The following MESD variants were observed in gnomAD, a reference collection of about 807,000 sequenced individuals.
MESD encodes the protein LRP chaperone MESD.
Under a neutral mutation model 12.9 loss-of-function variants are expected in MESD, and 7 were observed. The observed-to-expected ratio is 0.54, with a 90% CI of 0.31 to 1.02. The LOEUF (loss-of-function observed/expected upper bound fraction) is 1.02, where lower values mean the gene tolerates loss of function less well. MESD is among the 50% of genes least tolerant of loss of function. The pLI is 0.05. For missense variants in MESD, 342 were observed against 296.7 expected, an observed-to-expected ratio of 1.15 and a Z score of -1.12; for synonymous variants, 126 against 115.6, an observed-to-expected ratio of 1.09 and a Z score of -0.58.
At position 80,979,190 on chromosome 15, in the gene MESD, T is replaced by TC. The variant is rs752692483; in HGVS notation, c.*28dup. ...GCAAAGAGCTCTCCACGTCCACCTG[T>TC]CCCCCCACAGCGCGTCACTGCTGCC... On this transcript the variant is annotated 3_prime_UTR_variant, in exon 3 of 3. Transcript: ENST00000261758. 6.3e-6 allele frequency: 10 copies of TC among 1,599,502 alleles called. No homozygotes were observed. In the East Asian group the frequency reaches 6.7e-5, roughly 11 times the overall value.
chr15:80,954,453 C>T (rs1220436742), intron 3 of MESD, among the ~76,000 whole-genome samples: 1 of 152,154 alleles, frequency 6.6e-6, no homozygotes, highest in Non-Finnish European at 1.5e-5. Context: ...GCTAGGTAGG[C>T]GGCAGAGGTT....
chr15:80,949,165 C>T, intron 4 of MESD: 1 of 564,168 alleles, frequency 1.8e-6, no homozygotes, highest in Non-Finnish European at 3.2e-6. Context: ...ATTCACTTTC[C>T]TGCAGCCTCT....
downstream of MESD, chr15:80,946,644 C>T: frequency 2.7e-6 from 1 of 364,472 alleles, no homozygotes; most frequent in Non-Finnish European, 5.3e-6. Context: ...GTGCCGAGCC[C>T]TGGCATGGTA....
downstream of MESD, among the ~76,000 whole-genome samples, chr15:80,974,600 T>TAAAA (rs201950219): frequency 2.3e-5 from 3 of 132,410 alleles, no homozygotes; most frequent in African/African-American, 8.3e-5. Flanking sequence ...GTATCAGAGC[T>TAAAA]AAAAAAAAAA....
At chr15:80,984,176 G>A (rs952002925) in intron 1 of MESD, among the ~76,000 whole-genome samples, 2 of 152,032 alleles carry the variant, frequency 1.3e-5, no homozygotes, top group African/African-American at 4.8e-5. Context: ...TGGGATTACA[G>A]GCATTAGCCA....
At chr15:80,973,903 T>C (rs938433294), downstream of MESD, among the ~76,000 whole-genome samples, 5 of 152,200 alleles carry the variant, frequency 3.3e-5, no homozygotes, top group African/African-American at 1.2e-4. Flanking sequence ...ACATATTGCA[T>C]GACCTTTCTT....
intron 1 of MESD, among the ~76,000 whole-genome samples, chr15:80,982,427 T>C (rs1902607021): frequency 6.6e-6 from 1 of 152,158 alleles, no homozygotes; most frequent in Non-Finnish European, 1.5e-5. Flanking sequence ...TCTAGAGCTT[T>C]TAAACTCTCA....
intron 2 of MESD, among the ~76,000 whole-genome samples, chr15:80,980,115 C>T (rs1464315883): frequency 2.6e-5 from 4 of 152,222 alleles, no homozygotes; most frequent in Non-Finnish European, 2.9e-5. Flanking sequence ...TTAGGGACTA[C>T]ACCACGCGTT....
chr15:80,955,746 G>C (rs1239690444), intron 3 of MESD, among the ~76,000 whole-genome samples: 1 of 151,374 alleles, frequency 6.6e-6, no homozygotes, highest in Non-Finnish European at 1.5e-5. Flanking sequence ...TCAGCCTCCT[G>C]AGTAGCTGGG....
intron 2 of MESD, 60 bp downstream of exon 2, chr15:80,981,890 A>G: frequency 8.8e-7 from 1 of 1,134,542 alleles, no homozygotes; most frequent in Non-Finnish European, 1.3e-6. Flanking sequence ...ATTAATAATA[A>G]TAATAAAGAA....
At chr15:80,948,928 C>G in intron 4 of MESD, 1 of 1,614,230 alleles carries the variant, frequency 6.2e-7, no homozygotes, top group Middle Eastern at 1.6e-4. Flanking sequence ...GTTGTGAGGA[C>G]AGCTGCCGCC....
chr15:80,946,738 C>A, downstream of MESD: 1 of 559,390 alleles, frequency 1.8e-6, no homozygotes, highest in South Asian at 1.9e-5. Context: ...AGGCTGTGGG[C>A]ACCAACTGTG....
intron 1 of MESD, among the ~76,000 whole-genome samples, chr15:80,986,186 ATTCTCCT>A (rs1466769254): frequency 6.6e-6 from 1 of 152,204 alleles, no homozygotes; most frequent in African/African-American, 2.4e-5. Flanking sequence ...AATACCGCGC[ATTCTCCT>A]TCGTATGCGG....
At chr15:80,986,869 G>A (rs904600195) in intron 1 of MESD, among the ~76,000 whole-genome samples, 30 of 152,252 alleles carry the variant, frequency 2.0e-4, no homozygotes, top group African/African-American at 6.7e-4. Flanking sequence ...AATAATAAGT[G>A]ACATCTACTA....
At chr15:80,986,765 G>C (rs1037825724) in intron 1 of MESD, among the ~76,000 whole-genome samples, 1 of 152,296 alleles carries the variant, frequency 6.6e-6, no homozygotes, top group African/African-American at 2.4e-5. Flanking sequence ...ACTGGCTTTA[G>C]AGCTCCTTCA....
downstream of MESD, among the ~76,000 whole-genome samples, chr15:80,972,605 GC>G (rs1336617959): frequency 8.5e-5 from 13 of 152,190 alleles, no homozygotes; most frequent in African/African-American, 2.9e-4. Flanking sequence ...ACAAAACCAT[GC>G]CTGGTCCAGC....
At chr15:80,964,936 A>G (rs904871123) in intron 3 of MESD, among the ~76,000 whole-genome samples, 5 of 152,248 alleles carry the variant, frequency 3.3e-5, no homozygotes, top group African/African-American at 1.2e-4. Flanking sequence ...AATGGCAACT[A>G]AAGCCAAAAT....
At chr15:80,965,291 A>G (rs1902155091) in intron 3 of MESD, among the ~76,000 whole-genome samples, 1 of 152,258 alleles carries the variant, frequency 6.6e-6, no homozygotes, top group African/African-American at 2.4e-5. Context: ...GCGATTAAAA[A>G]GTCAGGAAAC....
chr15:80,954,744 G>C (rs574658992), intron 3 of MESD, among the ~76,000 whole-genome samples: 242 of 152,346 alleles, frequency 1.6e-3, no homozygotes, highest in Non-Finnish European at 2.9e-3. Context: ...AAGCAAGCTC[G>C]TCTAACCCAC....
Sources: gnomAD v4.1 joint callset for allele counts (sites outside exome capture counted in the v4.1 genomes callset) on GRCh38, gnomAD v4.1.1 for gene constraint, MANE v1.5 for transcripts, NCBI Gene and HGNC (gene_info 2026-07-23, HGNC 2026-07-21) for gene names.